Variants in ZMYND8 observed in about 807,000 individuals in gnomAD.
The protein encoded by ZMYND8 is zinc finger MYND-type containing 8.
Under a neutral mutation model 140.8 loss-of-function variants are expected in ZMYND8, and 37 were observed. The ratio of observed to expected loss-of-function variants is 0.26; its 90% confidence interval spans 0.20 to 0.35. The LOEUF is 0.35. ZMYND8 is among the 10% of genes least tolerant of loss of function. The pLI is 1.00. For synonymous variants in ZMYND8, 592 were observed against 597.1 expected, an observed-to-expected ratio of 0.99 and a Z score of 0.12; for missense variants, 1,068 against 1,570.0, an observed-to-expected ratio of 0.68 and a Z score of 5.40.
At chr20:47,282,844 C>T (rs1012130102) in intron 9 of ZMYND8, among the ~76,000 whole-genome samples, 1 of 152,096 alleles carries the variant, frequency 6.6e-6, no homozygotes, top group African/African-American at 2.4e-5. Context: ...TACACAGAGA[C>T]AATGACACCA....
chr20:47,217,099 T>C (rs939569312), intron 21 of ZMYND8, among the ~76,000 whole-genome samples: 4 of 152,070 alleles, frequency 2.6e-5, no homozygotes, highest in Admixed American at 2.6e-4. Flanking sequence ...CTGGGTTGTA[T>C]TAGCAACAGT....
At chr20:47,254,657 A>G (rs1450489260) in intron 12 of ZMYND8, among the ~76,000 whole-genome samples, 1 of 144,632 alleles carries the variant, frequency 6.9e-6, no homozygotes, top group Non-Finnish European at 1.5e-5. Context: ...TGGGAAGGCT[A>G]TATATTCTCA....
intron 1 of ZMYND8, chr20:47,353,203 C>G (rs2082941538): frequency 2.0e-5 from 3 of 152,158 alleles, no homozygotes. Flanking sequence ...AAGTGTCTCC[C>G]CCCTCATCCT....
Position 47,258,836 on chromosome 20 carries a change from A to G in ZMYND8, c.1621+3452T>C, listed in dbSNP as rs552140170. On this transcript the variant is annotated intron_variant, in intron 12 of 22. Coordinates refer to ENST00000471951, the MANE Select transcript of ZMYND8 (RefSeq NM_001281775.3). Reference sequence around the variant, plus strand: ...TCTCCTCCCCACCCACGGCACTTCCATCGGTCCCTAGCTGATCCTCTTCCC... The same window carrying G: ...TCTCCTCCCCACCCACGGCACTTCCGTCGGTCCCTAGCTGATCCTCTTCCC... 9.3e-4 allele frequency among the ~76,000 whole-genome samples: 141 copies of G among 152,206 alleles called. No individual in the cohort carries two copies. The South Asian group carries it at 0.029, about 31-fold the overall frequency.
At chr20:47,267,103 C>A (rs565826528) in intron 11 of ZMYND8, among the ~76,000 whole-genome samples, 1 of 152,266 alleles carries the variant, frequency 6.6e-6, no homozygotes, top group East Asian at 1.9e-4. Context: ...GTGTGGCTGA[C>A]TTGAAAACAT....
chr20:47,256,195 G>A (rs571230689), intron 12 of ZMYND8, among the ~76,000 whole-genome samples: 23 of 150,902 alleles, frequency 1.5e-4, no homozygotes, highest in African/African-American at 5.6e-4. Context: ...AAAGACCCTA[G>A]CTGGCCAGGC....
At chr20:47,291,466 T>C (rs952457300) in intron 6 of ZMYND8, among the ~76,000 whole-genome samples, 32 of 152,282 alleles carry the variant, frequency 2.1e-4, no homozygotes, top group Admixed American at 1.7e-3. Flanking sequence ...CTGCTCTCAT[T>C]AGCACCTCCG....
chr20:47,294,570 A>AATAC, intron 5 of ZMYND8, 96 bp downstream of exon 5: 1 of 1,150,760 alleles, frequency 8.7e-7, no homozygotes, highest in Non-Finnish European at 1.3e-6. Context: ...AGGCCCAAAG[A>AATAC]ATACATCAGG....
chr20:47,230,475 G>A (rs1381920164), intron 16 of ZMYND8, among the ~76,000 whole-genome samples: 1 of 151,844 alleles, frequency 6.6e-6, no homozygotes, highest in Non-Finnish European at 1.5e-5. Context: ...TCTATTTTTA[G>A]TAGAGACGGG....
chr20:47,322,205 G>A lies in ZMYND8; in HGVS notation c.86-12001C>T, dbSNP rs952647397. Among the ~76,000 whole-genome samples the A allele has an allele frequency of 4.6e-5, 7 of 151,930 alleles. No individual in the cohort carries two copies. In the East Asian group the frequency reaches 1.4e-3, roughly 29 times the overall value. On this transcript the variant is annotated intron_variant, in intron 2 of 22. Coordinates refer to ENST00000471951, the MANE Select transcript of ZMYND8 (RefSeq NM_001281775.3). ...GTAATGAAAGCCCAGAGAAAACCAGGCCCATGGTAAAGCGGCTATTAAGTA... is the reference window on the plus strand; with the variant it reads ...GTAATGAAAGCCCAGAGAAAACCAGACCCATGGTAAAGCGGCTATTAAGTA...
At chr20:47,327,409 T>A (rs183851415) in intron 2 of ZMYND8, among the ~76,000 whole-genome samples, 1 of 152,034 alleles carries the variant, frequency 6.6e-6, no homozygotes, top group Admixed American at 6.5e-5. Context: ...ATCCCAGCAC[T>A]TTGGGAGGCC....
At position 47,210,612 on chromosome 20, in the gene ZMYND8, A is replaced by T; in HGVS notation, c.*149T>A. 8.0e-7 allele frequency: 1 copy of T among 1,246,568 alleles called. No individual in the cohort carries two copies. Among genetic ancestry groups the T allele is most frequent in the Non-Finnish European group, 1.2e-6 (1 of 864,202 alleles). The allele number at this position is 1,246,568 out of a possible 1,614,324, so 77.2% of individuals were successfully genotyped here. A position where few individuals can be genotyped will look rare whatever the true frequency, so the allele number is the denominator to read the frequency against. ...GATGCTGGGTGTCCTGTAGTGTAGC[A>T]GCCCCCGCGCCGGGGGCTCAGGCTC... On this transcript the variant is annotated 3_prime_UTR_variant, in exon 23 of 23. Coordinates refer to ENST00000471951, the MANE Select transcript of ZMYND8 (RefSeq NM_001281775.3).
At chr20:47,227,641 G>A (rs543103853) in intron 17 of ZMYND8, among the ~76,000 whole-genome samples, 15 of 151,810 alleles carry the variant, frequency 9.9e-5, no homozygotes, top group African/African-American at 3.6e-4. Flanking sequence ...TAACATTTAG[G>A]TGGTGGGATC....
rs993706908 is a variant in ZMYND8, at chr20:47,355,388, A to T, written c.14+1269T>A. On this transcript the variant is annotated intron_variant, in intron 1 of 22. Coordinates refer to ENST00000471951, the MANE Select transcript of ZMYND8 (RefSeq NM_001281775.3). ...AGCCAAGACCCACTATTACAAACAG[A>T]CCCCAAATGTTCGCAAAACTCTTCA... 8.3e-6 allele frequency: 8 copies of T among 960,314 alleles called. No individual in the cohort carries two copies. In the South Asian group the frequency reaches 3.8e-4, roughly 46 times the overall value. The allele number at this position is 960,314 out of a possible 1,614,324, so 59.5% of individuals were successfully genotyped here. A position where few individuals can be genotyped will look rare whatever the true frequency, so the allele number is the denominator to read the frequency against.
At chr20:47,228,826 G>T (rs557211612) in intron 17 of ZMYND8, among the ~76,000 whole-genome samples, 1 of 152,180 alleles carries the variant, frequency 6.6e-6, no homozygotes, top group African/African-American at 2.4e-5. Flanking sequence ...TGTAAGTCCT[G>T]CCATTTGTCA....
chr20:47,212,693 C>A lies in ZMYND8; in HGVS notation c.3517G>T (p.Ala1173Ser), dbSNP rs140064203. 9 of 1,613,268 alleles carry A rather than the reference C, an allele frequency of 5.6e-6. No individual in the cohort carries two copies. Among genetic ancestry groups the A allele is most frequent in the African/African-American group, 1.3e-5 (1 of 74,874 alleles). Residue 1173 changes from alanine to serine, a missense_variant, in exon 22 of 23, where the codon GCC becomes TCC. Transcript: ENST00000471951. ...SKRCDKQPAY[A>S]PTTTDHQPHP... The stretch of plus-strand genomic sequence containing the variant: ...GGCTGGTGGTCTGTGGTGGTTGGGG[C>A]ATAGGCAGGTTGCTTGTCACACCTT...
At chr20:47,247,231 A>C (rs1321558981) in intron 13 of ZMYND8, among the ~76,000 whole-genome samples, 1 of 152,240 alleles carries the variant, frequency 6.6e-6, no homozygotes, top group Non-Finnish European at 1.5e-5. Context: ...TTCTGATGAA[A>C]GAGCGGAAAA....
chr20:47,296,279 C>T (rs919640457), intron 4 of ZMYND8, among the ~76,000 whole-genome samples: 1 of 152,192 alleles, frequency 6.6e-6, no homozygotes, highest in Non-Finnish European at 1.5e-5. Context: ...TTCTTCCTGG[C>T]TGGCAGTGCC....
At chr20:47,317,232 C>A (rs2079476530) in intron 2 of ZMYND8, among the ~76,000 whole-genome samples, 1 of 152,218 alleles carries the variant, frequency 6.6e-6, no homozygotes, top group Admixed American at 6.5e-5. Flanking sequence ...ACTGATGACA[C>A]CGTTCTCTCA....
Sources: gnomAD v4.1 joint callset for allele counts (sites outside exome capture counted in the v4.1 genomes callset) on GRCh38, gnomAD v4.1.1 for gene constraint, MANE v1.5 for transcripts, NCBI Gene and HGNC (gene_info 2026-07-23, HGNC 2026-07-21) for gene names.